RPA1: variants seen among roughly 807,000 people sequenced by gnomAD.
The protein encoded by RPA1 is replication protein A 70 kDa DNA-binding subunit.
A neutral mutation model predicts 83.0 loss-of-function variants in RPA1; 49 were observed. That is an observed-to-expected ratio of 0.59 (90% confidence interval 0.47 to 0.75). RPA1 has a LOEUF of 0.75. Among genes scored for constraint, RPA1 ranks in the 30% least tolerant of loss-of-function variants. RPA1 has a pLI of 0.00. For missense variants in RPA1, 693 were observed against 776.1 expected (o/e 0.89, Z 1.27); for synonymous variants, 279 against 281.8 (o/e 0.99, Z 0.10).
In RPA1 at chr17:1,830,014, A is replaced by G. The variant is rs1278043499; in HGVS notation, c.-80A>G. 9 of 1,228,632 alleles carry G rather than the reference A, an allele frequency of 7.3e-6. No homozygotes were observed. Among genetic ancestry groups the G allele is most frequent in the Non-Finnish European group, 7.2e-6 (7 of 971,320 alleles). 76.1% of individuals were successfully genotyped at this position (1,228,632 alleles called of 1,614,324 possible). A position where few individuals can be genotyped will look rare whatever the true frequency, so the allele number is the denominator to read the frequency against. ...GCGGTGCGCGCAACTTCTCGGGCCA[A>G]TAACTGCGCAGCGCGCGGGACCCGG... On this transcript the variant is annotated 5_prime_UTR_variant, in exon 1 of 17. Transcript: ENST00000254719.
chr17:1,856,706 A>G (rs1805651198), intron 5 of RPA1, among the ~76,000 whole-genome samples: 1 of 150,636 alleles, frequency 6.6e-6, no homozygotes, highest in South Asian at 2.1e-4. Flanking sequence ...AATTTTTTAT[A>G]TTTTTAGTAG....
Position 1,853,125 on chromosome 17 carries a change from A to G in RPA1, c.297A>G (p.Leu99=). Reference sequence around the variant, plus strand: ...GGAGAGTAGTTATCTTGATGGAATTAGAAGTTTTGAAGTCAGCTGAAGCAG... The same window carrying G: ...GGAGAGTAGTTATCTTGATGGAATTGGAAGTTTTGAAGTCAGCTGAAGCAG... The part of the protein sequence containing the change: ...DGRRVVILME[L]EVLKSAEAVG... The change falls in exon 5 of 17, where the codon TTA becomes TTG. Residue 99 remains leucine (L), a synonymous_variant. Coordinates refer to ENST00000254719, the MANE Select transcript of RPA1 (RefSeq NM_002945.5). 1 of 1,614,142 alleles carries G rather than the reference A, an allele frequency of 6.2e-7. No individual in the cohort carries two copies. Among genetic ancestry groups the G allele is most frequent in the Non-Finnish European group, 8.5e-7 (1 of 1,180,006 alleles).
chr17:1,877,360 G>C (rs1005827499), intron 8 of RPA1, 46 bp downstream of exon 8: 1 of 1,547,390 alleles, frequency 6.5e-7, no homozygotes. Flanking sequence ...GGCTCGCCGG[G>C]AAACAGAAGG....
In RPA1 at chr17:1,883,165, T is replaced by G. The variant is rs1030307154; in HGVS notation, c.1242-647T>G. ...GCAAGACCCCATCTCTTAAAAAAAT[T>G]TTTTTTTCGAGACGGAGTTTCGGTC... On this transcript the variant is annotated intron_variant, in intron 12 of 16. Transcript: ENST00000254719. Among the ~76,000 whole-genome samples the G allele has an allele frequency of 4.6e-5, 7 of 152,096 alleles. No homozygotes were observed. In the East Asian group the frequency reaches 1.4e-3, roughly 29 times the overall value.
intron 12 of RPA1, 36 bp downstream of exon 12, chr17:1,880,727 G>A (rs750027770): frequency 3.7e-6 from 6 of 1,605,072 alleles, no homozygotes; most frequent in Non-Finnish European, 5.1e-6. Context: ...GGTTACTTGA[G>A]GCTGGGCTTT....
At position 1,884,042 on chromosome 17, in the gene RPA1, A is replaced by T. The variant is rs1328589239; in HGVS notation, c.1374+98A>T. 12 of 1,531,992 alleles carry T rather than the reference A, an allele frequency of 7.8e-6. No individual in the cohort carries two copies. The highest frequency in any genetic ancestry group is 1.1e-5 in the Non-Finnish European group (12 of 1,124,358). The allele number at this position is 1,531,992 out of a possible 1,614,324, so 94.9% of individuals were successfully genotyped here. On this transcript the variant is annotated intron_variant, in intron 13 of 16. Coordinates refer to ENST00000254719, the MANE Select transcript of RPA1 (RefSeq NM_002945.5). This position sits in a 1 kb window ranked among gnomAD's most constrained non-coding sequence, Gnocchi z 4.1. Reference sequence around the variant, plus strand: ...TCCAGCACCAGCTGTCAGAGCCGTAATTCTTACCCGGGGCTGTGACCTGAG... The same window carrying T: ...TCCAGCACCAGCTGTCAGAGCCGTATTTCTTACCCGGGGCTGTGACCTGAG...
At position 1,857,979 on chromosome 17, in the gene RPA1, A is replaced by G. The variant is rs1912775185; in HGVS notation, c.361+4790A>G. On this transcript the variant is annotated intron_variant, in intron 5 of 16. Coordinates refer to ENST00000254719, the MANE Select transcript of RPA1 (RefSeq NM_002945.5). ...TCCCAGGCTGGAGATAAGAATGACA[A>G]ACAGAAAGATGGGTGAATGTAATAA... The G allele has an allele frequency of 2.5e-6, 4 of 1,590,846 alleles. No homozygotes were observed. In the East Asian group the frequency reaches 6.7e-5, roughly 27 times the overall value.
Position 1,844,691 on chromosome 17 carries a change from G to A in RPA1, c.272+5G>A. 6.2e-7 allele frequency: 1 copy of A among 1,604,642 alleles called. No homozygotes were observed. The highest frequency in any genetic ancestry group is 8.5e-7 in the Non-Finnish European group (1 of 1,172,288). On this transcript the variant is annotated splice_donor_5th_base_variant and intron_variant, in intron 4 of 16. Transcript: ENST00000254719. ...GAACACTCTGAAAGACGGAAGGTAT[G>A]TGCTGTGTTTTTTTCTGTCTTATTG...
intron 4 of RPA1, 71 bp from the exon 5 acceptor site, chr17:1,853,030 G>A (rs1252577431): frequency 1.1e-5 from 13 of 1,146,430 alleles, no homozygotes; most frequent in Admixed American, 5.2e-5. Flanking sequence ...ATCGGGGAAA[G>A]CATTTTGAGT....
At chr17:1,861,230 G>C (rs1391499555) in intron 5 of RPA1, among the ~76,000 whole-genome samples, 1 of 152,066 alleles carries the variant, frequency 6.6e-6, no homozygotes. Context: ...TACTCTGTCC[G>C]GCCAGCTAGA....
chr17:1,893,771 A>G (rs1914286379), intron 15 of RPA1, among the ~76,000 whole-genome samples: 1 of 152,094 alleles, frequency 6.6e-6, no homozygotes, highest in East Asian at 1.9e-4. Flanking sequence ...GCACCTCAAC[A>G]GTCTTCTCTG....
At position 1,884,072 on chromosome 17, in the gene RPA1, G is replaced by A. The variant is rs978097259; in HGVS notation, c.1374+128G>A. 2.3e-6 allele frequency: 3 copies of A among 1,291,212 alleles called. No homozygotes were observed. The highest frequency in any genetic ancestry group is 2.1e-6 in the Non-Finnish European group (2 of 937,066). The allele number at this position is 1,291,212 out of a possible 1,614,324, so 80.0% of individuals were successfully genotyped here. On this transcript the variant is annotated intron_variant, in intron 13 of 16. Transcript: ENST00000254719. This position sits in a 1 kb window ranked among gnomAD's most constrained non-coding sequence, Gnocchi z 4.1. ...TACCCGGGGCTGTGACCTGAGCGTG[G>A]CATGGGGGTTGAGAATCACTGGCAG...
At chr17:1,889,667 G>A (rs754861191) in intron 14 of RPA1, among the ~76,000 whole-genome samples, 6 of 151,878 alleles carry the variant, frequency 4.0e-5, no homozygotes, top group Non-Finnish European at 5.9e-5. Flanking sequence ...GTTTTGTTTT[G>A]TTTTCAATGA....
chr17:1,854,143 T>C (rs1912601402), intron 5 of RPA1: 1 of 152,006 alleles, frequency 6.6e-6, no homozygotes, highest in South Asian at 2.1e-4. Flanking sequence ...TAAAAGAAGC[T>C]GAAAAAAAAG....
At position 1,875,758 on chromosome 17, in the gene RPA1, G is replaced by C. The variant is rs993103655; in HGVS notation, c.552G>C (p.Val184=). Residue 184 remains valine (V), a synonymous_variant, in exon 7 of 17, where the codon GTG becomes GTC. Coordinates refer to ENST00000254719, the MANE Select transcript of RPA1 (RefSeq NM_002945.5). ...CTTCTGGGGGAACACAGTCCAAAGTGGTGCCCATTGCCAGCCTCACTCCTT... is the reference window on the plus strand; with the variant it reads ...CTTCTGGGGGAACACAGTCCAAAGTCGTGCCCATTGCCAGCCTCACTCCTT... ...SHTSGGTQSK[V]VPIASLTPYQ... 1 of 1,614,086 alleles carries C rather than the reference G, an allele frequency of 6.2e-7. No individual in the cohort carries two copies. Among genetic ancestry groups the C allele is most frequent in the Non-Finnish European group, 8.5e-7 (1 of 1,179,994 alleles).
In RPA1 at chr17:1,879,238, C is replaced by A. The variant is rs944502179; in HGVS notation, c.783C>A (p.Thr261=). ...VNKVYYFSKG[T]LKIANKQFTA... ...AGGTGTATTATTTCTCGAAAGGCAC[C>A]CTGAAGATTGCTAACAAGCAGTTCA... Residue 261 remains threonine, a synonymous_variant, in exon 10 of 17, where the codon ACC becomes ACA. Coordinates refer to ENST00000254719, the MANE Select transcript of RPA1 (RefSeq NM_002945.5). 2 of 1,613,708 alleles carry A rather than the reference C, an allele frequency of 1.2e-6. No homozygotes were observed. The highest frequency in any genetic ancestry group is 1.7e-6 in the Non-Finnish European group (2 of 1,179,926).
intron 2 of RPA1, among the ~76,000 whole-genome samples, chr17:1,843,635 A>ATTATTATTATTATTATTT (rs1912143990): frequency 6.7e-6 from 1 of 148,362 alleles, no homozygotes; most frequent in East Asian, 2.0e-4. Context: ...TATTATTATT[A>ATTATTATTATTATTATTT]TTTTGGTAAT....
chr17:1,831,823 T>C (rs745801153), intron 1 of RPA1, among the ~76,000 whole-genome samples: 2 of 151,068 alleles, frequency 1.3e-5, no homozygotes, highest in Non-Finnish European at 1.5e-5. Context: ...ATGGTCTCGA[T>C]CTCCTGACCT....
Position 1,899,864 on chromosome 17 carries a change from C to G in RPA1, c.*2689C>G, listed in dbSNP as rs1914583765. 1 of 152,152 alleles carries G rather than the reference C, an allele frequency of 6.6e-6. No individual in the cohort carries two copies. The highest frequency in any genetic ancestry group is 2.4e-5 in the African/African-American group (1 of 41,434). The allele number at this position is 152,152 out of a possible 1,614,324, so 9.4% of individuals were successfully genotyped here. A position where few individuals can be genotyped will look rare whatever the true frequency, so the allele number is the denominator to read the frequency against. On this transcript the variant is annotated 3_prime_UTR_variant, in exon 17 of 17. Transcript: ENST00000254719. Reference sequence around the variant, plus strand: ...TTTCACCTGTTAGAAGGCCACTATTCCCCTAGTAAACTGATTGTTTCCTTG... The same window carrying G: ...TTTCACCTGTTAGAAGGCCACTATTGCCCTAGTAAACTGATTGTTTCCTTG...
Sources: allele counts gnomAD v4.1 joint callset (sites outside exome capture counted in the v4.1 genomes callset), GRCh38; gene constraint gnomAD v4.1.1; non-coding constraint Gnocchi (gnomAD v3.1); transcripts MANE v1.5; gene names NCBI Gene and HGNC (gene_info 2026-07-23, HGNC 2026-07-21).